CPZ: variants seen among roughly 807,000 people sequenced by gnomAD.
The protein encoded by CPZ is VEZT/CPZ fusion.
CPZ carries 103 observed loss-of-function variants against 61.8 expected under a neutral mutation model. The ratio of observed to expected loss-of-function variants is 1.67; its 90% CI spans 1.42 to 1.96. The LOEUF (loss-of-function observed/expected upper bound fraction) is 1.96, where lower values mean the gene tolerates loss of function less well. CPZ is among the 30% of genes most tolerant of loss of function. The pLI is 0.00. For missense variants in CPZ, 1,461 were observed against 914.9 expected (o/e 1.60, Z -7.70); for synonymous variants, 551 against 373.7 (o/e 1.47, Z -5.47).
chr4:8,610,584 T>A (rs1433885294), intron 7 of CPZ, among the ~76,000 whole-genome samples: 1 of 152,108 alleles, frequency 6.6e-6, no homozygotes, highest in African/African-American at 2.4e-5. Context: ...TAAAGGCAGG[T>A]CAGAGGTGGG....
intron 3 of CPZ, chr4:8,603,046 T>G (rs1179825343): frequency 6.6e-6 from 1 of 152,282 alleles, no homozygotes; most frequent in African/African-American, 2.4e-5. Flanking sequence ...AAGGAGTCGG[T>G]TGGAGATTAT....
chr4:8,593,749 G>C lies in CPZ; in HGVS notation c.88+828G>C, dbSNP rs143814023. Among the ~76,000 whole-genome samples the C allele has an allele frequency of 5.8e-4, 88 of 152,310 alleles. No individual in the cohort carries two copies. The East Asian group carries it at 0.014, about 24-fold the overall frequency. On this transcript the variant is annotated intron_variant, in intron 1 of 10. Transcript: ENST00000360986. ...TACCTGAGAACTGCCTGAGCCCTGC[G>C]AGTGGATGTGCCAGGACCACAATAC...
At chr4:8,600,062 C>G (rs932297253) in intron 2 of CPZ, 1 of 152,160 alleles carries the variant, frequency 6.6e-6, no homozygotes, top group African/African-American at 2.4e-5. Context: ...TAAGTGGAGG[C>G]TTTCAAAATA....
At position 8,617,308 on chromosome 4, in the gene CPZ, A is replaced by C. The variant is rs112884665; in HGVS notation, c.1504-1121A>C. ...GCACCCAGAAGCAAAGGTTTGTCTG[A>C]AGTGAACAGTCACTACGGCAGAGCT... is the stretch of plus-strand genomic sequence containing the variant. On this transcript the variant is annotated intron_variant, in intron 9 of 10. Coordinates refer to ENST00000360986, the MANE Select transcript of CPZ (RefSeq NM_001014447.3). Among the ~76,000 whole-genome samples the C allele has an allele frequency of 6.0e-3, 914 of 152,156 alleles. 13 individuals are homozygous for C. Among genetic ancestry groups the C allele is most frequent in the African/African-American group, 0.021 (883 of 41,550 alleles).
chr4:8,593,074 C>T (rs906312255), intron 1 of CPZ, among the ~76,000 whole-genome samples, 153 bp downstream of exon 1: 2 of 152,172 alleles, frequency 1.3e-5, no homozygotes, highest in East Asian at 1.9e-4. Flanking sequence ...CAGCATGTGG[C>T]CTGGGACTGG....
In CPZ at chr4:8,619,296, A is replaced by T; in HGVS notation, c.1638A>T (p.Pro546=). The T allele has an allele frequency of 6.2e-7, 1 of 1,613,654 alleles. No homozygotes were observed. Among genetic ancestry groups the T allele is most frequent in the Non-Finnish European group, 8.5e-7 (1 of 1,179,802 alleles). The part of the protein sequence containing the change: ...PDGDYWRLLP[P]GIHIVIAQAP... Reference sequence around the variant, plus strand: ...GTGACTACTGGAGACTGCTGCCCCCAGGTATCCACATTGTCATTGCCCAAG... The same window carrying T: ...GTGACTACTGGAGACTGCTGCCCCCTGGTATCCACATTGTCATTGCCCAAG... The change falls in exon 11 of 11, where the codon CCA becomes CCT. Residue 546 remains proline (P), a synonymous_variant. Transcript: ENST00000360986.
rs961741318 is a variant in CPZ at position 8,600,981 on chromosome 4, T to C, written c.122-142T>C. On this transcript the variant is annotated intron_variant, in intron 2 of 10. Coordinates refer to ENST00000360986, the MANE Select transcript of CPZ (RefSeq NM_001014447.3). ...GGCTCTGATTCCTGCACAGTAGCTG[T>C]TGTCCTGGTCCTCCCCTGCCAGACC... 4.2e-6 allele frequency: 6 copies of C among 1,412,042 alleles called. No homozygotes were observed. In the South Asian group the frequency reaches 5.0e-5, roughly 12 times the overall value. 87.5% of individuals were successfully genotyped at this position (1,412,042 alleles called of 1,614,324 possible). A position where few individuals can be genotyped will look rare whatever the true frequency, so the allele number is the denominator to read the frequency against.
At chr4:8,608,641 C>CCT (rs1553877468) in intron 7 of CPZ, among the ~76,000 whole-genome samples, 3 of 151,536 alleles carry the variant, frequency 2.0e-5, no homozygotes, top group East Asian at 2.0e-4. Flanking sequence ...TGTGAGTGCA[C>CCT]GTGTGTGCGT....
intron 3 of CPZ, chr4:8,603,105 C>A (rs895214129): frequency 1.3e-5 from 2 of 152,394 alleles, no homozygotes; most frequent in Admixed American, 1.3e-4. Context: ...CTAGTCTTTC[C>A]CCTGGAGAAC....
intron 9 of CPZ, among the ~76,000 whole-genome samples, chr4:8,616,903 T>G (rs931542775): frequency 1.3e-5 from 2 of 152,204 alleles, no homozygotes; most frequent in Admixed American, 6.5e-5. Context: ...GGGCAGTGGC[T>G]GTCAGTCCCT....
rs762284952 is a variant in CPZ, at chr4:8,619,262, C to A, written c.1604C>A (p.Ala535Asp). ...VKGIRHDITT[A>D]PDGDYWRLLP... ...TCATTTTTAATCTATTTGTCCACAG[C>A]CCCAGATGGTGACTACTGGAGACTG... Residue 535 changes from alanine (A) to aspartate (D), a missense_variant and splice_region_variant, in exon 11 of 11, where the codon GCC (alanine) becomes GAC (aspartate). Coordinates refer to ENST00000360986, the MANE Select transcript of CPZ (RefSeq NM_001014447.3). The A allele has an allele frequency of 1.2e-6, 2 of 1,607,066 alleles. No individual in the cohort carries two copies. The highest frequency in any genetic ancestry group is 1.7e-4 in the Middle Eastern group (1 of 6,056).
intron 1 of CPZ, among the ~76,000 whole-genome samples, chr4:8,593,717 T>G (rs903256440): frequency 1.3e-5 from 2 of 152,138 alleles, no homozygotes; most frequent in African/African-American, 4.8e-5. Context: ...TCTCTGGGGT[T>G]TGTGGATACC....
At chr4:8,603,813 T>C (rs1714748326) in intron 3 of CPZ, 163 bp from the exon 4 acceptor site, 1 of 646,806 alleles carries the variant, frequency 1.5e-6, no homozygotes, top group South Asian at 1.8e-5. Context: ...GGCTTAGATA[T>C]CGTTGTAGGC....
intron 4 of CPZ, 106 bp downstream of exon 4, chr4:8,604,294 A>G: frequency 9.0e-7 from 1 of 1,109,884 alleles, no homozygotes. Flanking sequence ...TCCTGGGCAG[A>G]GCTGGGGGCC....
intron 3 of CPZ, chr4:8,603,746 TCA>T: frequency 1.7e-6 from 1 of 578,260 alleles, no homozygotes; most frequent in South Asian, 2.1e-5. Context: ...GTATGTTTAC[TCA>T]CAGTCACGTT....
rs1042267575 is a variant in CPZ at position 8,618,356 on chromosome 4, G to C, written c.1504-73G>C. On this transcript the variant is annotated intron_variant, in intron 9 of 10. Coordinates refer to ENST00000360986, the MANE Select transcript of CPZ (RefSeq NM_001014447.3). ...TACCAAGCTCTGAGGAGCATGTGGGGAACGAGCTGACGGCCTCCACGCTCA... is the reference window on the plus strand; with the variant it reads ...TACCAAGCTCTGAGGAGCATGTGGGCAACGAGCTGACGGCCTCCACGCTCA... 10 of 1,434,064 alleles carry C rather than the reference G, an allele frequency of 7.0e-6. 2 individuals carry two copies. In the South Asian group the frequency reaches 1.2e-4, roughly 17 times the overall value. The allele number at this position is 1,434,064 out of a possible 1,614,324, so 88.8% of individuals were successfully genotyped here.
At chr4:8,599,019 T>A (rs575344136) in intron 1 of CPZ, among the ~76,000 whole-genome samples, 2 of 152,318 alleles carry the variant, frequency 1.3e-5, no homozygotes, top group Admixed American at 1.3e-4. Context: ...CTCCGGGGGC[T>A]GACAGTTAAA....
chr4:8,603,909 C>A (rs531191959), intron 3 of CPZ, 67 bp from the exon 4 acceptor site: 2 of 1,386,754 alleles, frequency 1.4e-6, no homozygotes, highest in Non-Finnish European at 1.0e-6. Context: ...GTGTGGTCAG[C>A]GTTCCCAGGC....
At chr4:8,614,011 C>G (rs1193132051) in intron 8 of CPZ, among the ~76,000 whole-genome samples, 1 of 152,222 alleles carries the variant, frequency 6.6e-6, no homozygotes, top group East Asian at 1.9e-4. Flanking sequence ...GGTGGGGAAG[C>G]CTGTGGACTT....
Sources: gnomAD v4.1 joint callset for allele counts (sites outside exome capture counted in the v4.1 genomes callset) on GRCh38, gnomAD v4.1.1 for gene constraint, MANE v1.5 for transcripts, NCBI Gene and HGNC (gene_info 2026-07-23, HGNC 2026-07-21) for gene names.